SAMSN1: variants seen among roughly 807,000 people sequenced by gnomAD.
The protein encoded by SAMSN1 is SAM domain-containing protein SAMSN-1.
SAMSN1 carries 31 observed loss-of-function variants against 42.0 expected under a neutral mutation model. That is an observed-to-expected ratio of 0.74 (90% CI 0.55 to 1.00). The LOEUF (loss-of-function observed/expected upper bound fraction) is 1.00. SAMSN1 is among the 50% of genes least tolerant of loss of function. The probability of loss-of-function intolerance (pLI) is 0.00; values close to 1 mark genes in which losing one functional copy is unlikely to be tolerated. For missense variants in SAMSN1, 464 were observed against 439.4 expected (o/e 1.06, Z -0.50); for synonymous variants, 178 against 151.9 (o/e 1.17, Z -1.26).
At chr21:14,585,991 G>A (rs1412426840), upstream of SAMSN1, among the ~76,000 whole-genome samples, 2 of 152,096 alleles carry the variant, frequency 1.3e-5, no homozygotes, top group Admixed American at 1.3e-4. Flanking sequence ...ACAGCCAGGT[G>A]CAGCAGCTCA....
At chr21:14,521,093 C>G in intron 2 of SAMSN1, 57 bp downstream of exon 2, 1 of 1,077,874 alleles carries the variant, frequency 9.3e-7, no homozygotes, top group Non-Finnish European at 1.4e-6. Context: ...ACATTGTCTT[C>G]ATAATATTTC....
intron 5 of SAMSN1, among the ~76,000 whole-genome samples, chr21:14,504,730 T>A (rs1456926514): frequency 6.6e-6 from 1 of 152,252 alleles, no homozygotes; most frequent in East Asian, 1.9e-4. Context: ...GATCTAGACA[T>A]CCAAATACAA....
chr21:14,582,308 T>C (rs1981762764), exon 2 of SAMSN1: 2 of 1,550,666 alleles, frequency 1.3e-6, no homozygotes, highest in Non-Finnish European at 1.7e-6. Flanking sequence ...TTCACCTTCA[T>C]ACCAAGCTAA....
At chr21:14,620,156 C>T (rs1035857773) in intron 2 of SAMSN1, among the ~76,000 whole-genome samples, 2 of 152,116 alleles carry the variant, frequency 1.3e-5, no homozygotes, top group Admixed American at 6.6e-5. Context: ...CCTGCTTCTG[C>T]TGTTTTCTTA....
At chr21:14,585,378 C>T (rs991699823), upstream of SAMSN1, 9 of 152,270 alleles carry the variant, frequency 5.9e-5, no homozygotes, top group Admixed American at 3.9e-4. Flanking sequence ...CTTAATTGCT[C>T]CACTGAAACA....
chr21:14,657,710 T>A (rs183625067), intron 1 of SAMSN1, among the ~76,000 whole-genome samples: 133 of 151,984 alleles, frequency 8.8e-4, no homozygotes, highest in Non-Finnish European at 4.0e-4. Context: ...GCCATCAGAT[T>A]TATACGGCAC....
intron 4 of SAMSN1, among the ~76,000 whole-genome samples, chr21:14,612,051 A>G (rs1982723053): frequency 6.6e-6 from 1 of 152,048 alleles, no homozygotes; most frequent in African/African-American, 2.4e-5. Flanking sequence ...TGGCCAACAC[A>G]GTGAAACCTG....
At chr21:14,541,651 A>C (rs1858807383) in intron 1 of SAMSN1, among the ~76,000 whole-genome samples, 2 of 152,232 alleles carry the variant, frequency 1.3e-5, no homozygotes, top group African/African-American at 2.4e-5. Context: ...CCTAGAGTAG[A>C]CTGAAGAAAC....
chr21:14,552,636 G>A (rs1439360941), intron 2 of SAMSN1, among the ~76,000 whole-genome samples: 4 of 152,036 alleles, frequency 2.6e-5, no homozygotes, highest in Admixed American at 6.6e-5. Flanking sequence ...AATTTCTGTT[G>A]TTTGGAAGCT....
intron 1 of SAMSN1, among the ~76,000 whole-genome samples, chr21:14,538,101 T>C (rs1979749831): frequency 6.6e-6 from 1 of 152,228 alleles, no homozygotes; most frequent in South Asian, 2.1e-4. Context: ...GAAGACAACC[T>C]TTTGAGATAT....
At chr21:14,627,429 A>G (rs1477085524) in intron 2 of SAMSN1, among the ~76,000 whole-genome samples, 4 of 152,200 alleles carry the variant, frequency 2.6e-5, no homozygotes, top group Non-Finnish European at 4.4e-5. Context: ...CTCCTGGAAA[A>G]CAAAAGGACT....
At chr21:14,502,104 C>A (rs189664016) in intron 5 of SAMSN1, among the ~76,000 whole-genome samples, 2 of 152,128 alleles carry the variant, frequency 1.3e-5, no homozygotes, top group African/African-American at 2.4e-5. Context: ...AAGCATCAAG[C>A]CTGCTACTAA....
At chr21:14,549,217 A>G (rs1980521929), upstream of SAMSN1, among the ~76,000 whole-genome samples, 1 of 152,168 alleles carries the variant, frequency 6.6e-6, no homozygotes, top group Non-Finnish European at 1.5e-5. Context: ...GAAGGAAATT[A>G]GAGATCATGG....
chr21:14,583,756 G>T, upstream of SAMSN1: 1 of 717,850 alleles, frequency 1.4e-6, no homozygotes, highest in African/African-American at 1.7e-5. Context: ...ATTCCACAGG[G>T]TCACTGCCTG....
At chr21:14,507,192 A>G (rs1987454974) in intron 5 of SAMSN1, among the ~76,000 whole-genome samples, 1 of 152,218 alleles carries the variant, frequency 6.6e-6, no homozygotes, top group Non-Finnish European at 1.5e-5. Context: ...TCCTAGCCAG[A>G]GCAATCAGAC....
intron 1 of SAMSN1, among the ~76,000 whole-genome samples, chr21:14,522,543 C>G (rs1055453071): frequency 1.3e-5 from 2 of 152,140 alleles, no homozygotes; most frequent in African/African-American, 4.8e-5. Flanking sequence ...TCCCTTAATG[C>G]TCTCAATGGG....
intron 2 of SAMSN1, among the ~76,000 whole-genome samples, chr21:14,564,269 C>G (rs1981039419): frequency 6.6e-6 from 1 of 152,060 alleles, no homozygotes; most frequent in Admixed American, 6.6e-5. Flanking sequence ...CCACCATTTC[C>G]CATACTCTTA....
chr21:14,564,162 A>G (rs1289036605), intron 2 of SAMSN1, among the ~76,000 whole-genome samples: 2 of 152,176 alleles, frequency 1.3e-5, no homozygotes, highest in Admixed American at 6.5e-5. Flanking sequence ...TTGATTTCAA[A>G]TCAGATAATC....
intron 2 of SAMSN1, among the ~76,000 whole-genome samples, chr21:14,629,108 G>C (rs954036243): frequency 1.3e-5 from 2 of 152,098 alleles, no homozygotes; most frequent in Admixed American, 1.3e-4. Context: ...ATTTCACAAA[G>C]AAGCACTATT....
Sources: gnomAD v4.1 joint callset for allele counts (sites outside exome capture counted in the v4.1 genomes callset) on GRCh38, gnomAD v4.1.1 for gene constraint, MANE v1.5 for transcripts, NCBI Gene and HGNC (gene_info 2026-07-23, HGNC 2026-07-21) for gene names.